XIRP2: variants seen among roughly 807,000 people sequenced by gnomAD.
XIRP2 encodes xin actin-binding repeat-containing protein 2.
Under a neutral mutation model 277.0 loss-of-function variants are expected in XIRP2, and 236 were observed. That is an observed-to-expected ratio of 0.85 (90% CI 0.77 to 0.95). The LOEUF (loss-of-function observed/expected upper bound fraction) is 0.95, where lower values mean the gene tolerates loss of function less well. Ranked by LOEUF, XIRP2 falls within the 40% of genes least tolerant of loss-of-function variation. XIRP2 has a pLI of 0.00. For missense variants in XIRP2, 4,640 were observed against 4,157.5 expected (o/e 1.12, Z -3.19); for synonymous variants, 1,490 against 1,416.5 (o/e 1.05, Z -1.17).
chr2:166,896,044 A>C (rs1187672226), intron 1 of XIRP2, among the ~76,000 whole-genome samples: 2 of 152,150 alleles, frequency 1.3e-5, no homozygotes, highest in Non-Finnish European at 2.9e-5. Flanking sequence ...ATTTATGCTA[A>C]AAGGTTCCCT....
chr2:166,994,894 A>T (rs1687172366), intron 2 of XIRP2, among the ~76,000 whole-genome samples: 1 of 151,876 alleles, frequency 6.6e-6, no homozygotes, highest in South Asian at 2.1e-4. Flanking sequence ...ATAAAAAGTA[A>T]AAATGAGAAA....
rs75392520 is a variant in XIRP2, at chr2:167,049,754, T to C, written c.409-86155T>C. Among the ~76,000 whole-genome samples, 11 of 152,174 alleles carry C rather than the reference T, an allele frequency of 7.2e-5. No individual in the cohort carries two copies. In the East Asian group the frequency reaches 2.1e-3, roughly 29 times the overall value. ...TTTGGAAGTGCTAATTCTTTCAAAG[T>C]ACCAACTCATTCTAAAGGAAGAGAG... On this transcript the variant is annotated intron_variant, in intron 2 of 10. Coordinates refer to ENST00000409195, the MANE Select transcript of XIRP2 (RefSeq NM_152381.6).
chr2:166,950,826 T>A (rs932341365), intron 2 of XIRP2, among the ~76,000 whole-genome samples: 2 of 152,062 alleles, frequency 1.3e-5, no homozygotes, highest in Non-Finnish European at 2.9e-5. Context: ...ATATCACTGA[T>A]TATTCAAATA....
chr2:167,016,255 T>C (rs1230088969), intron 2 of XIRP2, among the ~76,000 whole-genome samples: 1 of 151,932 alleles, frequency 6.6e-6, no homozygotes, highest in East Asian at 1.9e-4. Context: ...TGCATATCTC[T>C]TAAATTATCC....
chr2:167,135,875 T>A (rs200557668), intron 2 of XIRP2, 34 bp from the exon 3 acceptor site: 1 of 1,540,036 alleles, frequency 6.5e-7, no homozygotes, highest in Non-Finnish European at 8.7e-7. Flanking sequence ...TACTGATAGC[T>A]TTTAACATAC....
intron 2 of XIRP2, among the ~76,000 whole-genome samples, chr2:167,030,947 G>T (rs1356513841): frequency 6.6e-6 from 1 of 151,220 alleles, no homozygotes; most frequent in Non-Finnish European, 1.5e-5. Flanking sequence ...TTACATAACG[G>T]CCTTCTTTGT....
chr2:167,156,621 G>T (rs1692205793), intron 3 of XIRP2, among the ~76,000 whole-genome samples: 1 of 152,176 alleles, frequency 6.6e-6, no homozygotes. Flanking sequence ...CCATTTGAGT[G>T]AATATATGAT....
intron 2 of XIRP2, among the ~76,000 whole-genome samples, chr2:167,000,150 T>A (rs1687325821): frequency 1.3e-5 from 2 of 152,084 alleles, no homozygotes; most frequent in South Asian, 4.1e-4. Context: ...AAAATAATAT[T>A]TGCTAGGGAA....
At chr2:167,204,164 A>G (rs908021958) in intron 3 of XIRP2, among the ~76,000 whole-genome samples, 1 of 152,136 alleles carries the variant, frequency 6.6e-6, no homozygotes, top group Non-Finnish European at 1.5e-5. Context: ...TCTTACATTG[A>G]TTTTAGCAAA....
chr2:166,928,380 G>C (rs1393430263), intron 2 of XIRP2, among the ~76,000 whole-genome samples: 1 of 152,096 alleles, frequency 6.6e-6, no homozygotes, highest in Non-Finnish European at 1.5e-5. Flanking sequence ...TACCACATAA[G>C]GAGGTCCCAC....
chr2:167,202,970 G>A (rs2105380226), intron 3 of XIRP2, among the ~76,000 whole-genome samples: 1 of 152,106 alleles, frequency 6.6e-6, no homozygotes, highest in East Asian at 1.9e-4. Flanking sequence ...AGCCAGCAGT[G>A]TAGAATATTC....
At chr2:166,926,179 T>C (rs947180406) in intron 2 of XIRP2, among the ~76,000 whole-genome samples, 3 of 152,072 alleles carry the variant, frequency 2.0e-5, no homozygotes, top group African/African-American at 7.2e-5. Flanking sequence ...ATACTATTCT[T>C]TCTTATCCAA....
At chr2:166,939,573 G>A (rs1446647156) in intron 2 of XIRP2, among the ~76,000 whole-genome samples, 3 of 150,894 alleles carry the variant, frequency 2.0e-5, no homozygotes, top group East Asian at 3.9e-4. Context: ...CCAGCTACTC[G>A]GGAGGCTGGG....
intron 1 of XIRP2, among the ~76,000 whole-genome samples, chr2:166,897,111 CA>C (rs1684265617): frequency 6.6e-6 from 1 of 152,188 alleles, no homozygotes; most frequent in African/African-American, 2.4e-5. Context: ...GAACATTAAG[CA>C]ACACACTACT....
chr2:167,123,587 G>T (rs1291586190), intron 2 of XIRP2, among the ~76,000 whole-genome samples: 1 of 152,110 alleles, frequency 6.6e-6, no homozygotes, highest in Non-Finnish European at 1.5e-5. Context: ...TTCTCTGAGA[G>T]CCATAAGTGA....
At chr2:167,096,537 T>C (rs760007754) in intron 2 of XIRP2, among the ~76,000 whole-genome samples, 8 of 152,164 alleles carry the variant, frequency 5.3e-5, no homozygotes, top group South Asian at 2.1e-4. Context: ...GTTTTTCATG[T>C]CTCTATCTCC....
chr2:167,088,983 G>A (rs1465800303), intron 2 of XIRP2, among the ~76,000 whole-genome samples: 6 of 152,040 alleles, frequency 3.9e-5, no homozygotes, highest in Admixed American at 6.5e-5. Context: ...CCCTGTACCT[G>A]GCATGTAATT....
At chr2:167,072,178 A>G (rs756674157) in intron 2 of XIRP2, among the ~76,000 whole-genome samples, 2 of 152,156 alleles carry the variant, frequency 1.3e-5, no homozygotes, top group African/African-American at 2.4e-5. Context: ...GTGTCTGTGT[A>G]TGTGTGAATA....
rs143400009 is a variant in XIRP2 at position 167,242,806 on chromosome 2, T to C, written c.1414T>C (p.Ser472Pro). 4.4e-3 allele frequency: 7,030 copies of C among 1,613,988 alleles called. 103 individuals are homozygous for C. The highest frequency in any genetic ancestry group is 0.037 in the Middle Eastern group (223 of 6,062). ...AGTAGATGTGACAGCATTTTCCCAG[T>C]CCCCTGAACTGCCCAGTCCTCCTAG... ...TSVDVTAFSQ[S>P]PELPSPPRRL... Residue 472 changes from serine to proline, a missense_variant, in exon 9 of 11, where the codon TCC becomes CCC. Coordinates refer to ENST00000409195, the MANE Select transcript of XIRP2 (RefSeq NM_152381.6).
Sources: gnomAD v4.1 joint callset for allele counts (sites outside exome capture counted in the v4.1 genomes callset) on GRCh38, gnomAD v4.1.1 for gene constraint, MANE v1.5 for transcripts, NCBI Gene and HGNC (gene_info 2026-07-23, HGNC 2026-07-21) for gene names.